Variants in GNB4 observed in about 807,000 individuals in gnomAD.
GNB4 encodes guanine nucleotide-binding protein subunit beta-4.
A neutral mutation model predicts 45.2 loss-of-function variants in GNB4; 28 were observed. That is an observed-to-expected ratio of 0.62 (90% CI 0.46 to 0.85). GNB4 has a LOEUF of 0.85. Among genes scored for constraint, GNB4 ranks in the 40% least tolerant of loss-of-function variants. The pLI, the probability that GNB4 is intolerant of heterozygous loss-of-function variation, is 0.00. For missense variants in GNB4, 321 were observed against 425.4 expected, an observed-to-expected ratio of 0.75 and a Z score of 2.16; for synonymous variants, 132 against 143.7, an observed-to-expected ratio of 0.92 and a Z score of 0.58.
intron 1 of GNB4, among the ~76,000 whole-genome samples, chr3:179,439,265 T>C (rs543757102): frequency 3.0e-4 from 46 of 152,310 alleles, no homozygotes; most frequent in African/African-American, 1.1e-3. Flanking sequence ...CATGCAGTAA[T>C]CACTTCCTAA....
chr3:179,488,528 T>A, the GNB4 span, among the ~76,000 whole-genome samples: 39 of 152,198 alleles, frequency 2.6e-4, no homozygotes, highest in Non-Finnish European at 5.6e-4. Context: ...TGTGATCCCC[T>A]TCTTAAGATA....
chr3:179,503,518 G>C, the GNB4 span, among the ~76,000 whole-genome samples: 4 of 152,196 alleles, frequency 2.6e-5, no homozygotes, highest in African/African-American at 4.8e-5. Context: ...ATAGCTGGTC[G>C]TTATGTCCAT....
intron 9 of GNB4, among the ~76,000 whole-genome samples, chr3:179,402,434 T>C (rs1714330677): frequency 6.6e-6 from 1 of 152,234 alleles, no homozygotes; most frequent in African/African-American, 2.4e-5. Flanking sequence ...AACGGAATAC[T>C]TCCAGGAATC....
chr3:179,396,217 G>A lies in GNB4; in HGVS notation c.*4996C>T, dbSNP rs972872813. Reference sequence around the variant, plus strand: ...AGTTAAATCATGATACAAGTCCATAGTTTATATGGTTTAGAGCTTTAAGAG... The same window carrying A: ...AGTTAAATCATGATACAAGTCCATAATTTATATGGTTTAGAGCTTTAAGAG... On this transcript the variant is annotated 3_prime_UTR_variant, in exon 10 of 10. Coordinates refer to ENST00000232564, the MANE Select transcript of GNB4 (RefSeq NM_021629.4). 1.3e-5 allele frequency: 2 copies of A among 152,144 alleles called. No homozygotes were observed. Among genetic ancestry groups the A allele is most frequent in the South Asian group, 2.1e-4 (1 of 4,826 alleles). 9.4% of individuals were successfully genotyped at this position (152,144 alleles called of 1,614,324 possible). A position where few individuals can be genotyped will look rare whatever the true frequency, so the allele number is the denominator to read the frequency against.
the GNB4 span, among the ~76,000 whole-genome samples, chr3:179,462,088 A>G: frequency 6.6e-6 from 1 of 152,060 alleles, no homozygotes; most frequent in African/African-American, 2.4e-5. Flanking sequence ...CTTTATCTCT[A>G]TGGTATTTTC....
chr3:179,426,335 C>G (rs1022500330), intron 1 of GNB4, 93 bp from the exon 2 acceptor site: 2 of 602,244 alleles, frequency 3.3e-6, no homozygotes, highest in African/African-American at 3.9e-5. Flanking sequence ...CTTTTTGGAC[C>G]TACTGAAATT....
At chr3:179,422,445 A>C (rs566633145) in intron 2 of GNB4, among the ~76,000 whole-genome samples, 232 of 151,676 alleles carry the variant, frequency 1.5e-3, no homozygotes, top group South Asian at 0.013. Context: ...TGGGCAAAAC[A>C]GTGAGACCCT....
chr3:179,426,645 C>T lies in GNB4; in HGVS notation c.-42-403G>A, dbSNP rs552561118. Among the ~76,000 whole-genome samples, 9 of 152,134 alleles carry T rather than the reference C, an allele frequency of 5.9e-5. No individual in the cohort carries two copies. The East Asian group carries it at 9.7e-4, about 16-fold the overall frequency. The stretch of plus-strand genomic sequence containing the variant: ...CCCAAGCCTTCCCCATCTCAGGAAA[C>T]GGCAAGACCATCCTTACTTACAATT... On this transcript the variant is annotated intron_variant, in intron 1 of 9. Transcript: ENST00000232564.
chr3:179,504,812 T>A, the GNB4 span, among the ~76,000 whole-genome samples: 2 of 152,156 alleles, frequency 1.3e-5, no homozygotes, highest in African/African-American at 4.8e-5. Context: ...TAAGGCATCT[T>A]CATTCTAGAG....
At chr3:179,500,319 A>G in the GNB4 span, among the ~76,000 whole-genome samples, 3 of 152,112 alleles carry the variant, frequency 2.0e-5, no homozygotes, top group Non-Finnish European at 2.9e-5. Context: ...AGTTTTCCCA[A>G]TACCATTTAT....
intron 8 of GNB4, among the ~76,000 whole-genome samples, chr3:179,411,495 G>A (rs1214486646): frequency 6.9e-6 from 1 of 145,722 alleles, no homozygotes; most frequent in African/African-American, 2.5e-5. Flanking sequence ...GAAAATCAAT[G>A]TAAACACACC....
the GNB4 span, chr3:179,464,661 G>A: frequency 9.1e-7 from 1 of 1,100,136 alleles, no homozygotes; most frequent in Non-Finnish European, 1.4e-6. Context: ...TGTGAAACCA[G>A]CTTCAATTTC....
At chr3:179,466,486 T>C in the GNB4 span, among the ~76,000 whole-genome samples, 1 of 152,206 alleles carries the variant, frequency 6.6e-6, no homozygotes, top group African/African-American at 2.4e-5. Flanking sequence ...CCTACCTCCC[T>C]CCTTGTTCTT....
At chr3:179,465,086 G>C in the GNB4 span, 1 of 1,453,886 alleles carries the variant, frequency 6.9e-7, no homozygotes, top group Non-Finnish European at 9.6e-7. Context: ...AATTCTTGCA[G>C]ATATTGTAAT....
chr3:179,527,139 C>T, the GNB4 span, among the ~76,000 whole-genome samples: 2 of 152,038 alleles, frequency 1.3e-5, no homozygotes, highest in Non-Finnish European at 2.9e-5. Flanking sequence ...ATGACTTCTG[C>T]TGGCAGGAAG....
the GNB4 span, among the ~76,000 whole-genome samples, chr3:179,471,291 A>C: frequency 6.6e-6 from 1 of 152,156 alleles, no homozygotes; most frequent in African/African-American, 2.4e-5. Flanking sequence ...AGTCTGTAGT[A>C]GTGCACAGTA....
At chr3:179,438,799 G>C (rs149406565) in intron 1 of GNB4, among the ~76,000 whole-genome samples, 40 of 152,258 alleles carry the variant, frequency 2.6e-4, no homozygotes, top group African/African-American at 9.1e-4. Context: ...GGTTTCAAAG[G>C]GGGAGAGAGA....
the GNB4 span, among the ~76,000 whole-genome samples, chr3:179,459,623 G>A: frequency 1.5e-4 from 23 of 151,750 alleles, no homozygotes; most frequent in African/African-American, 4.6e-4. Context: ...CAGAGGATGC[G>A]GTGAGCCGAG....
At chr3:179,407,706 G>C (rs776913892) in intron 8 of GNB4, among the ~76,000 whole-genome samples, 5 of 152,142 alleles carry the variant, frequency 3.3e-5, no homozygotes, top group Non-Finnish European at 7.3e-5. Flanking sequence ...GGCATGCTGA[G>C]GACATCCTTT....
Sources: allele counts gnomAD v4.1 joint callset (sites outside exome capture counted in the v4.1 genomes callset), GRCh38; gene constraint gnomAD v4.1.1; transcripts MANE v1.5; gene names NCBI Gene and HGNC (gene_info 2026-07-23, HGNC 2026-07-21).